Variants in HPCAL1 observed in about 807,000 individuals in gnomAD.
HPCAL1 encodes hippocalcin like 1.
In HPCAL1, 8 loss-of-function variants were observed where a neutral mutation model predicts 17.1. The ratio of observed to expected loss-of-function variants is 0.47; its 90% CI spans 0.27 to 0.84. The LOEUF is 0.84. Ranked by LOEUF, HPCAL1 falls within the 40% of genes least tolerant of loss-of-function variation. The pLI, the probability that HPCAL1 is intolerant of heterozygous loss-of-function variation, is 0.13. For synonymous variants in HPCAL1, 112 were observed against 111.4 expected (o/e 1.01, Z -0.03); for missense variants, 165 against 271.1 (o/e 0.61, Z 2.75).
chr2:10,417,919 A>G (rs1332873123), intron 2 of HPCAL1, among the ~76,000 whole-genome samples: 1 of 151,796 alleles, frequency 6.6e-6, no homozygotes, highest in East Asian at 1.9e-4. Context: ...GTGTGTGCCC[A>G]TAGTCTCAGC....
At chr2:10,415,500 A>C (rs1670602728) in intron 2 of HPCAL1, among the ~76,000 whole-genome samples, 1 of 152,070 alleles carries the variant, frequency 6.6e-6, no homozygotes, top group South Asian at 2.1e-4. Context: ...CCCGCCTATG[A>C]GCCATCTCCC....
At chr2:10,383,095 G>A (rs1197627487) in intron 1 of HPCAL1, among the ~76,000 whole-genome samples, 1 of 152,224 alleles carries the variant, frequency 6.6e-6, no homozygotes, top group Non-Finnish European at 1.5e-5. Context: ...GAATCTGGCT[G>A]GGCGCGGCGG....
chr2:10,372,089 C>T (rs970547504), intron 1 of HPCAL1, among the ~76,000 whole-genome samples: 3 of 152,264 alleles, frequency 2.0e-5, no homozygotes, highest in South Asian at 2.1e-4. Context: ...GTTGCTTACA[C>T]GTTGGGTGCA....
chr2:10,356,790 C>A (rs943455348), intron 1 of HPCAL1, among the ~76,000 whole-genome samples: 11 of 152,266 alleles, frequency 7.2e-5, no homozygotes, highest in Non-Finnish European at 1.5e-4. Flanking sequence ...TGGCTTCCCC[C>A]CTCCCTCCAG....
intron 1 of HPCAL1, among the ~76,000 whole-genome samples, chr2:10,309,796 G>A (rs1662841117): frequency 6.6e-6 from 1 of 152,146 alleles, no homozygotes; most frequent in African/African-American, 2.4e-5. Context: ...AGAGAGCAGA[G>A]GATGAGATGC....
chr2:10,318,006 A>G (rs1041969961), intron 1 of HPCAL1, among the ~76,000 whole-genome samples: 2 of 152,300 alleles, frequency 1.3e-5, no homozygotes, highest in African/African-American at 4.8e-5. Context: ...TTGATGTGTT[A>G]TTATTCAGAG....
intron 1 of HPCAL1, among the ~76,000 whole-genome samples, chr2:10,349,544 A>T (rs1195856748): frequency 6.6e-6 from 1 of 151,618 alleles, no homozygotes; most frequent in Non-Finnish European, 1.5e-5. Context: ...TCTACTAAAT[A>T]TACAAAAAAT....
At chr2:10,326,400 G>A (rs1187861313) in intron 1 of HPCAL1, among the ~76,000 whole-genome samples, 2 of 152,244 alleles carry the variant, frequency 1.3e-5, no homozygotes, top group African/African-American at 4.8e-5. Flanking sequence ...GCAGATGGCA[G>A]GAGCCCTGTG....
intron 2 of HPCAL1, among the ~76,000 whole-genome samples, chr2:10,412,710 A>C (rs911864027): frequency 1.3e-5 from 2 of 152,200 alleles, no homozygotes; most frequent in Non-Finnish European, 2.9e-5. Flanking sequence ...ACATTCCTTC[A>C]GACTCTGCCT....
chr2:10,325,290 C>T (rs79393002), intron 1 of HPCAL1, among the ~76,000 whole-genome samples: 4,104 of 152,276 alleles, frequency 0.027, 84 homozygotes, highest in East Asian at 0.11. Context: ...ATCGTAATTA[C>T]ATTTTTGCAG....
Position 10,367,349 on chromosome 2 carries a change from C to T in HPCAL1, c.-110-29486C>T, listed in dbSNP as rs573745123. The stretch of plus-strand genomic sequence containing the variant: ...TGTCACCCAGGCTAGAGTGCGAGCT[C>T]GATCATAGCTCACTGCAACCTCAAA... On this transcript the variant is annotated intron_variant, in intron 1 of 4. Coordinates refer to ENST00000307845, the MANE Select transcript of HPCAL1 (RefSeq NM_002149.4). This position sits in a 1 kb window ranked among gnomAD's most constrained non-coding sequence, Gnocchi z 4.4. 4.0e-5 allele frequency among the ~76,000 whole-genome samples: 6 copies of T among 151,768 alleles called. No homozygotes were observed. The highest frequency in any genetic ancestry group is 1.9e-4 in the East Asian group (1 of 5,144).
intron 1 of HPCAL1, among the ~76,000 whole-genome samples, chr2:10,378,615 T>C (rs1207575727): frequency 6.6e-6 from 1 of 152,090 alleles, no homozygotes; most frequent in African/African-American, 2.4e-5. Context: ...GGGGCCTCAC[T>C]CTCCTGACCT....
intron 2 of HPCAL1, among the ~76,000 whole-genome samples, chr2:10,402,269 G>A (rs893506171): frequency 6.6e-6 from 1 of 152,212 alleles, no homozygotes; most frequent in East Asian, 1.9e-4. Context: ...GACTGGAAGC[G>A]CTCTGAGGGC....
chr2:10,358,352 C>T (rs1031461538), intron 1 of HPCAL1, among the ~76,000 whole-genome samples: 12 of 152,208 alleles, frequency 7.9e-5, no homozygotes, highest in South Asian at 2.1e-4. Context: ...CCAGCTGATA[C>T]GGAAGTGGGG....
intron 2 of HPCAL1, among the ~76,000 whole-genome samples, chr2:10,417,893 T>A (rs1171032534): frequency 1.3e-5 from 2 of 148,390 alleles, no homozygotes; most frequent in Non-Finnish European, 3.0e-5. Context: ...AAAAAAAAAA[T>A]TAACTGGGTG....
intron 2 of HPCAL1, among the ~76,000 whole-genome samples, chr2:10,400,185 A>C (rs1043916894): frequency 6.6e-6 from 1 of 152,188 alleles, no homozygotes; most frequent in Non-Finnish European, 1.5e-5. Context: ...ACCCGTGGCA[A>C]GGAGGGGGCG....
At chr2:10,393,556 T>C (rs1240917777) in intron 1 of HPCAL1, among the ~76,000 whole-genome samples, 1 of 152,218 alleles carries the variant, frequency 6.6e-6, no homozygotes, top group Non-Finnish European at 1.5e-5. Context: ...CATTTTCCCC[T>C]TCAGCTGGCC....
rs555276778 is a variant in HPCAL1, at chr2:10,363,476, G to A, written c.-110-33359G>A. Among the ~76,000 whole-genome samples the A allele has an allele frequency of 3.0e-4, 46 of 152,280 alleles. No individual in the cohort carries two copies. The highest frequency in any genetic ancestry group is 1.7e-3 in the Admixed American group (26 of 15,300). ...TAGGAGCTTCCAGAAGCGACCTTTC[G>A]GGATGCCTCTTACATAGTCCTGCCT... On this transcript the variant is annotated intron_variant, in intron 1 of 4. Coordinates refer to ENST00000307845, the MANE Select transcript of HPCAL1 (RefSeq NM_002149.4). This position sits in a 1 kb window ranked among gnomAD's most constrained non-coding sequence, Gnocchi z 4.7.
At chr2:10,352,969 C>T (rs758143419) in intron 1 of HPCAL1, among the ~76,000 whole-genome samples, 10 of 152,186 alleles carry the variant, frequency 6.6e-5, no homozygotes, top group Non-Finnish European at 1.0e-4. Context: ...GGTCACTGAA[C>T]GAGAAGACTC....
Sources: allele counts gnomAD v4.1 joint callset (sites outside exome capture counted in the v4.1 genomes callset), GRCh38; gene constraint gnomAD v4.1.1; non-coding constraint Gnocchi (gnomAD v3.1); transcripts MANE v1.5; gene names NCBI Gene and HGNC (gene_info 2026-07-23, HGNC 2026-07-21).